The following ASIC3 variants were observed in gnomAD, a reference collection of about 807,000 sequenced individuals.
The protein encoded by ASIC3 is acid-sensing ion channel 3.
Under a neutral mutation model 58.6 loss-of-function variants are expected in ASIC3, and 46 were observed. That is an observed-to-expected ratio of 0.79 (90% CI 0.62 to 1.00). The LOEUF (loss-of-function observed/expected upper bound fraction) is 1.00. Ranked by LOEUF, ASIC3 falls within the 50% of genes least tolerant of loss-of-function variation. The pLI, the probability that ASIC3 is intolerant of heterozygous loss-of-function variation, is 0.00. For missense variants in ASIC3, 770 were observed against 735.0 expected, an observed-to-expected ratio of 1.05 and a Z score of -0.55; for synonymous variants, 336 against 300.2, an observed-to-expected ratio of 1.12 and a Z score of -1.23.
chr7:151,051,996 C>T lies in ASIC3; in HGVS notation c.1320C>T (p.Gly440=). 6.2e-7 allele frequency: 1 copy of T among 1,613,448 alleles called. No homozygotes were observed. Among genetic ancestry groups the T allele is most frequent in the Non-Finnish European group, 8.5e-7 (1 of 1,179,866 alleles). Residue 440 remains glycine (G), a synonymous_variant, in exon 8 of 11, where the codon GGC becomes GGT. Coordinates refer to ENST00000349064, the MANE Select transcript of ASIC3 (RefSeq NM_004769.4). The part of the protein sequence containing the change: ...EMSELLGDIG[G]QMGLFIGASL... The stretch of plus-strand genomic sequence containing the variant: ...CTGTCTCCACAGGTGACATTGGGGG[C>T]CAGATGGGGCTGTTCATCGGGGCCA...
rs1281689998 is a variant in ASIC3, at chr7:151,048,661, G to A, written c.-225G>A. ...CAGTGCCTAGCCCAGTGGAGCCACC[G>A]CCTGTTCCTCGGGAAGGAACAGTGG... is the stretch of plus-strand genomic sequence containing the variant. On this transcript the variant is annotated 5_prime_UTR_variant, in exon 1 of 11. Coordinates refer to ENST00000349064, the MANE Select transcript of ASIC3 (RefSeq NM_004769.4). The A allele has an allele frequency of 1.1e-5, 6 of 550,638 alleles. No homozygotes were observed. Among genetic ancestry groups the A allele is most frequent in the South Asian group, 3.0e-5 (1 of 33,496 alleles). 34.1% of individuals were successfully genotyped at this position (550,638 alleles called of 1,614,324 possible). A position where few individuals can be genotyped will look rare whatever the true frequency, so the allele number is the denominator to read the frequency against.
Position 151,048,541 on chromosome 7 carries a change from G to GCGCCGGCTCAGCAC in ASIC3, c.-327_-314dup, listed in dbSNP as rs1243565157. Reference sequence around the variant, plus strand: ...TGCTGAAACCCAATCCTCTGCAGCAGCGCCGGCTCAGCACCGCCGGCTCAG... The same window carrying GCGCCGGCTCAGCAC: ...TGCTGAAACCCAATCCTCTGCAGCAGCGCCGGCTCAGCACCGCCGGCTCAGCACCGCCGGCTCAG... On this transcript the variant is annotated 5_prime_UTR_variant, in exon 1 of 11. Coordinates refer to ENST00000349064, the MANE Select transcript of ASIC3 (RefSeq NM_004769.4). 71 of 297,334 alleles carry GCGCCGGCTCAGCAC rather than the reference G, an allele frequency of 2.4e-4. No homozygotes were observed. The highest frequency in any genetic ancestry group is 7.0e-4 in the Admixed American group (15 of 21,314). The allele number at this position is 297,334 out of a possible 1,614,324, so 18.4% of individuals were successfully genotyped here.
In ASIC3 at chr7:151,048,790, C is replaced by T. The variant is rs1440791640; in HGVS notation, c.-96C>T. Reference sequence around the variant, plus strand: ...CCTCTCTTCTCCTCTCCTTGCCTGGCCTCCTGAATCCTATCTTAGCCTCCT... The same window carrying T: ...CCTCTCTTCTCCTCTCCTTGCCTGGTCTCCTGAATCCTATCTTAGCCTCCT... On this transcript the variant is annotated 5_prime_UTR_variant, in exon 1 of 11. Transcript: ENST00000349064. The T allele has an allele frequency of 7.0e-6, 10 of 1,430,720 alleles. No homozygotes were observed. Among genetic ancestry groups the T allele is most frequent in the South Asian group, 2.8e-5 (2 of 71,834 alleles). 88.6% of individuals were successfully genotyped at this position (1,430,720 alleles called of 1,614,324 possible).
Position 151,050,087 on chromosome 7 carries a change from C to T in ASIC3, c.535-19C>T, listed in dbSNP as rs1401345370. ...GCCTGCCTGGGGGAGATGGCCATCA[C>T]CCTGTCTGCCCGCCCCAGATCTTCA... On this transcript the variant is annotated intron_variant, in intron 1 of 10. Coordinates refer to ENST00000349064, the MANE Select transcript of ASIC3 (RefSeq NM_004769.4). 1.2e-6 allele frequency: 2 copies of T among 1,613,604 alleles called. No individual in the cohort carries two copies. Among genetic ancestry groups the T allele is most frequent in the African/African-American group, 1.3e-5 (1 of 74,854 alleles).
Position 151,050,616 on chromosome 7 carries a change from TC to T in ASIC3, c.813+10del, listed in dbSNP as rs1237637471. On this transcript the variant is annotated intron_variant, in intron 3 of 10. Coordinates refer to ENST00000349064, the MANE Select transcript of ASIC3 (RefSeq NM_004769.4). Reference sequence around the variant, plus strand: ...TCTTGCCAGCAGCAGCAGGTACCCTTCCGTGTGCCTCCACACCTACTACTTC... The same window carrying T: ...TCTTGCCAGCAGCAGCAGGTACCCTTCGTGTGCCTCCACACCTACTACTTC... 3.1e-6 allele frequency: 5 copies of T among 1,613,758 alleles called. No individual in the cohort carries two copies. Among genetic ancestry groups the T allele is most frequent in the Non-Finnish European group, 4.2e-6 (5 of 1,179,872 alleles).
In ASIC3 at chr7:151,051,160, G is replaced by C. The variant is rs374624215; in HGVS notation, c.1067-12G>C. 2.1e-4 allele frequency: 333 copies of C among 1,595,108 alleles called. 1 individual carries two copies. The highest frequency in any genetic ancestry group is 1.7e-4 in the Middle Eastern group (1 of 5,834). On this transcript the variant is annotated splice_polypyrimidine_tract_variant and intron_variant, in intron 5 of 10. Coordinates refer to ENST00000349064, the MANE Select transcript of ASIC3 (RefSeq NM_004769.4). The stretch of plus-strand genomic sequence containing the variant: ...CGCCCGCGGGCGTCTGACGCGGCCC[G>C]GTGGCCCGCAGATGCCATGCTTCGC...
At chr7:151,048,420 C>T (rs1362321513), upstream of ASIC3, 1 of 167,058 alleles carries the variant, frequency 6.0e-6, no homozygotes, top group Non-Finnish European at 1.3e-5. Context: ...CTTGGACAGC[C>T]ATGCCCCCCT....
chr7:151,052,210 C>T lies in ASIC3; in HGVS notation c.1431C>T (p.His477=), dbSNP rs1455528384. 5 of 1,614,090 alleles carry T rather than the reference C, an allele frequency of 3.1e-6. No individual in the cohort carries two copies. Among genetic ancestry groups the T allele is most frequent in the Non-Finnish European group, 4.2e-6 (5 of 1,180,002 alleles). Residue 477 remains histidine, a synonymous_variant, in exon 9 of 11, where the codon CAC becomes CAT. Transcript: ENST00000349064. The surrounding 1 kb of genome is among the most constrained non-coding windows in gnomAD (Gnocchi z 5.0). ...KVLGYFWNRQ[H]SQRHSSTNLL... ...TGGGATATTTCTGGAACCGACAGCA[C>T]TCCCAAAGGCACTCCAGCACCAATC...
At position 151,051,088 on chromosome 7, in the gene ASIC3, G is replaced by A. The variant is rs1449723256; in HGVS notation, c.1059G>A (p.Pro353=). The stretch of plus-strand genomic sequence containing the variant: ...AGCAGTACAAGAACTGTGCCCACCC[G>A]GCCATAGGTAAGGGCGAGCCTCCCC... ...SPQQYKNCAH[P]AIDAMLRKDS... is the part of the protein sequence containing the mutation. The change falls in exon 5 of 11, where the codon CCG becomes CCA. Residue 353 remains proline, a synonymous_variant. Transcript: ENST00000349064. The A allele has an allele frequency of 3.1e-6, 5 of 1,612,480 alleles. No homozygotes were observed. In the South Asian group the frequency reaches 4.4e-5, roughly 14 times the overall value.
chr7:151,051,884 A>G lies in ASIC3; in HGVS notation c.1289A>G (p.Glu430Gly), dbSNP rs775473297. 1 of 1,613,546 alleles carries G rather than the reference A, an allele frequency of 6.2e-7. No individual in the cohort carries two copies. The highest frequency in any genetic ancestry group is 8.5e-7 in the Non-Finnish European group (1 of 1,179,872). ...ACCGTGGAGCAGAAGAAGGCCTATG[A>G]GATGTCAGAGCTGCTTGGTGTGTGT... ...YETVEQKKAY[E>G]MSELLGDIGG... Residue 430 changes from glutamate to glycine, a missense_variant, in exon 7 of 11, where the codon GAG (glutamate) becomes GGG (glycine). Glu to Gly is a moderately conservative substitution (Grantham distance 98, BLOSUM62 -2). Coordinates refer to ENST00000349064, the MANE Select transcript of ASIC3 (RefSeq NM_004769.4).
At chr7:151,050,722 T>C in intron 3 of ASIC3, 36 bp from the exon 4 acceptor site, 2 of 1,607,862 alleles carry the variant, frequency 1.2e-6, no homozygotes, top group Non-Finnish European at 1.7e-6. Context: ...CCTCTCACGC[T>C]CTCCGGGAAG....
In ASIC3 at chr7:151,050,170, C is replaced by T. The variant is rs1307435309; in HGVS notation, c.599C>T (p.Thr200Ile). ...GGCGCTGATGGGGCAGAGCTGCTCA[C>T]CACTACTAGGGGTGGCATGGGCAAT... is the stretch of plus-strand genomic sequence containing the variant. ...NSGADGAELL[T>I]TTRGGMGNGL... Residue 200 changes from threonine to isoleucine, a missense_variant, in exon 2 of 11, where the codon ACC becomes ATC. By Grantham distance (89) the Thr-to-Ile change is moderately conservative. Coordinates refer to ENST00000349064, the MANE Select transcript of ASIC3 (RefSeq NM_004769.4). The T allele has an allele frequency of 3.1e-6, 5 of 1,614,140 alleles. No homozygotes were observed. Among genetic ancestry groups the T allele is most frequent in the Non-Finnish European group, 4.2e-6 (5 of 1,180,020 alleles).
At chr7:151,051,783 C>T (rs1295904215) in intron 6 of ASIC3, 27 bp from the exon 7 acceptor site, 12 of 1,609,946 alleles carry the variant, frequency 7.5e-6, no homozygotes, top group Middle Eastern at 3.4e-4. Flanking sequence ...GTGGCCAGCC[C>T]ACATTTGAGG....
rs763966968 is a variant in ASIC3, at chr7:151,051,117, C to G, written c.1066+22C>G. The G allele has an allele frequency of 2.5e-6, 4 of 1,606,692 alleles. No homozygotes were observed. The African/African-American group carries it at 4.0e-5, about 16-fold the overall frequency. On this transcript the variant is annotated intron_variant, in intron 5 of 10. Coordinates refer to ENST00000349064, the MANE Select transcript of ASIC3 (RefSeq NM_004769.4). The stretch of plus-strand genomic sequence containing the variant: ...ATAGGTAAGGGCGAGCCTCCCCCAC[C>G]TCCCGTCCGCCCCGCTCCGCCCGCG...
At chr7:151,050,720 G>C (rs549763020) in intron 3 of ASIC3, 38 bp from the exon 4 acceptor site, 1 of 1,607,280 alleles carries the variant, frequency 6.2e-7, no homozygotes, top group Non-Finnish European at 8.5e-7. Context: ...GGCCTCTCAC[G>C]CTCTCCGGGA....
chr7:151,051,006 C>T (rs370877491), intron 4 of ASIC3, 33 bp from the exon 5 acceptor site: 2 of 1,613,088 alleles, frequency 1.2e-6, no homozygotes, highest in Non-Finnish European at 1.7e-6. Context: ...GGAGCTGAGG[C>T]TGCTTCTAAA....
chr7:151,049,152 C>CA lies in ASIC3; in HGVS notation c.268dup (p.Thr90AsnfsTer56). 1.2e-6 allele frequency: 2 copies of CA among 1,613,888 alleles called. No homozygotes were observed. Among genetic ancestry groups the CA allele is most frequent in the Non-Finnish European group, 1.7e-6 (2 of 1,179,900 alleles). On this transcript the variant is annotated frameshift_variant, in exon 1 of 11. Coordinates refer to ENST00000349064, the MANE Select transcript of ASIC3 (RefSeq NM_004769.4). LOFTEE classifies it high-confidence loss of function. ...GCCACCGGCTCATCTTCCCGGCTGT[C>CA]ACCCTGTGCAACATCAACCCACTGC...
rs1292362034 is a variant in ASIC3 at position 151,049,031 on chromosome 7, T to C, written c.146T>C (p.Val49Ala). The C allele has an allele frequency of 1.2e-6, 2 of 1,613,666 alleles. No homozygotes were observed. Reference sequence around the variant, plus strand: ...CGCCGGGGGATGTGGGCAGCGGCCGTGGTCCTGTCAGTGGCCACCTTCCTC... The same window carrying C: ...CGCCGGGGGATGTGGGCAGCGGCCGCGGTCCTGTCAGTGGCCACCTTCCTC... The part of the protein sequence containing the change: ...SLRRGMWAAA[V>A]VLSVATFLYQ... Residue 49 changes from valine (V) to alanine (A), a missense_variant, in exon 1 of 11, where the codon GTG (valine) becomes GCG (alanine). Physicochemically the swap from Val to Ala is moderately conservative, Grantham distance 64 (BLOSUM62 0). Transcript: ENST00000349064.
Position 151,048,590 on chromosome 7 carries a change from C to T in ASIC3, c.-296C>T. On this transcript the variant is annotated 5_prime_UTR_variant, in exon 1 of 11. Coordinates refer to ENST00000349064, the MANE Select transcript of ASIC3 (RefSeq NM_004769.4). ...AGCACCGCTCCGCAGCCCCTGCCTGCCACGGTCAGCTACGTCCCACCTGGT... is the reference window on the plus strand; with the variant it reads ...AGCACCGCTCCGCAGCCCCTGCCTGTCACGGTCAGCTACGTCCCACCTGGT... The T allele has an allele frequency of 4.9e-6, 2 of 411,378 alleles. No homozygotes were observed. The highest frequency in any genetic ancestry group is 8.6e-6 in the Non-Finnish European group (2 of 231,756). 25.5% of individuals were successfully genotyped at this position (411,378 alleles called of 1,614,324 possible).
Sources: allele counts gnomAD v4.1 joint callset, GRCh38; gene constraint gnomAD v4.1.1; non-coding constraint Gnocchi (gnomAD v3.1); transcripts MANE v1.5; gene names NCBI Gene and HGNC (gene_info 2026-07-23, HGNC 2026-07-21).